Variants in TRAM2 observed in about 807,000 individuals in gnomAD.
TRAM2 encodes translocating chain-associated membrane protein 2.
A neutral mutation model predicts 51.0 loss-of-function variants in TRAM2; 12 were observed. The ratio of observed to expected loss-of-function variants is 0.24; its 90% CI spans 0.15 to 0.38. TRAM2 has a LOEUF of 0.38. Among genes scored for constraint, TRAM2 ranks in the 10% least tolerant of loss-of-function variants. The pLI is 1.00. For synonymous variants in TRAM2, 175 were observed against 179.4 expected, an observed-to-expected ratio of 0.98 and a Z score of 0.20; for missense variants, 361 against 462.0, an observed-to-expected ratio of 0.78 and a Z score of 2.00.
intron 1 of TRAM2, among the ~76,000 whole-genome samples, chr6:52,547,118 A>C (rs963250533): frequency 1.3e-5 from 2 of 152,150 alleles, no homozygotes; most frequent in Non-Finnish European, 2.9e-5. Flanking sequence ...TCAACTCTGA[A>C]GGAAAGCAAA....
chr6:52,530,141 A>T (rs900544920), intron 2 of TRAM2, among the ~76,000 whole-genome samples: 23 of 152,212 alleles, frequency 1.5e-4, no homozygotes, highest in African/African-American at 5.5e-4. Context: ...TGTTTATCTG[A>T]AAATTTAACT....
intron 2 of TRAM2, among the ~76,000 whole-genome samples, chr6:52,521,065 G>T (rs376434899): frequency 4.6e-5 from 7 of 152,028 alleles, no homozygotes; most frequent in African/African-American, 1.7e-4. Flanking sequence ...ACCAGTTCCG[G>T]CAAATTTTTT....
chr6:52,520,133 A>G (rs1766641871), intron 2 of TRAM2, among the ~76,000 whole-genome samples: 1 of 152,214 alleles, frequency 6.6e-6, no homozygotes, highest in African/African-American at 2.4e-5. Flanking sequence ...TAAGATGGTA[A>G]GTTTTATGTT....
At chr6:52,553,180 C>T (rs750275309) in intron 1 of TRAM2, among the ~76,000 whole-genome samples, 3 of 152,164 alleles carry the variant, frequency 2.0e-5, no homozygotes, top group Non-Finnish European at 4.4e-5. Context: ...TCCTAATCCT[C>T]CCTGCCTCTC....
At chr6:52,572,245 G>A (rs1031990445) in intron 1 of TRAM2, among the ~76,000 whole-genome samples, 2 of 152,198 alleles carry the variant, frequency 1.3e-5, no homozygotes, top group African/African-American at 4.8e-5. Context: ...AAGGCTAAAA[G>A]GGAGATGCAT....
At chr6:52,530,467 A>G (rs570551502) in intron 2 of TRAM2, among the ~76,000 whole-genome samples, 1 of 152,342 alleles carries the variant, frequency 6.6e-6, no homozygotes, top group South Asian at 2.1e-4. Flanking sequence ...AACTCCCAGC[A>G]TCTCAGAATG....
At position 52,499,305 on chromosome 6, in the gene TRAM2, C is replaced by T. The variant is rs376631889; in HGVS notation, c.*3892G>A. Reference sequence around the variant, plus strand: ...TGTCTTGACTCAAAAGCTTTCAGCACTCCCTCTGTTAGAGGAGAGAGCTTA... The same window carrying T: ...TGTCTTGACTCAAAAGCTTTCAGCATTCCCTCTGTTAGAGGAGAGAGCTTA... On this transcript the variant is annotated 3_prime_UTR_variant, in exon 11 of 11. Coordinates refer to ENST00000182527, the MANE Select transcript of TRAM2 (RefSeq NM_012288.4). 1.3e-5 allele frequency: 2 copies of T among 152,208 alleles called. No homozygotes were observed. Among genetic ancestry groups the T allele is most frequent in the African/African-American group, 4.8e-5 (2 of 41,446 alleles). The allele number at this position is 152,208 out of a possible 1,614,324, so 9.4% of individuals were successfully genotyped here.
At chr6:52,506,398 A>C (rs1192911614) in intron 7 of TRAM2, among the ~76,000 whole-genome samples, 1 of 152,164 alleles carries the variant, frequency 6.6e-6, no homozygotes, top group East Asian at 1.9e-4. Context: ...CAAACCTCGC[A>C]TAGGCCCTTC....
At chr6:52,509,681 C>T in intron 4 of TRAM2, 95 bp from the exon 5 acceptor site, 1 of 1,026,666 alleles carries the variant, frequency 9.7e-7, no homozygotes. Flanking sequence ...GCATCCAGTC[C>T]CCACCTGACA....
chr6:52,576,097 C>T (rs897774665), intron 1 of TRAM2, among the ~76,000 whole-genome samples: 3 of 152,186 alleles, frequency 2.0e-5, no homozygotes, highest in African/African-American at 7.2e-5. Context: ...GTATCCCTGT[C>T]TCTCTTCTTG....
chr6:52,504,613 G>A lies in TRAM2; in HGVS notation c.1017C>T (p.Ala339=), dbSNP rs764820599. The A allele has an allele frequency of 6.2e-7, 1 of 1,614,180 alleles. No homozygotes were observed. Among genetic ancestry groups the A allele is most frequent in the Middle Eastern group, 1.7e-4 (1 of 6,018 alleles). ...RRVPATPRLP[A]RLIKRESGYH... ...CACCAGATTCCCTCTTGATGAGCCT[G>A]GCTGGTAGTCTGGGTGTGGCTGGGA... Residue 339 remains alanine (A), a synonymous_variant, in exon 10 of 11, where the codon GCC becomes GCT. Transcript: ENST00000182527.
At chr6:52,505,855 A>G (rs957433321) in intron 8 of TRAM2, 113 bp from the exon 9 acceptor site, 2 of 1,469,774 alleles carry the variant, frequency 1.4e-6, no homozygotes, top group African/African-American at 2.8e-5. Flanking sequence ...TGGCTGGGGA[A>G]AGTGCTTGAG....
chr6:52,576,860 A>G lies in TRAM2; in HGVS notation c.56T>C (p.Ile19Thr), dbSNP rs951849587. 1 of 1,613,742 alleles carries G rather than the reference A, an allele frequency of 6.2e-7. No homozygotes were observed. The part of the protein sequence containing the change: ...SYPLFSQEFV[I>T]HNHADIGFCL... ...GAAGCCGATGTCCGCATGGTTGTGG[A>G]TGACGAACTCCTGGCTGAAGAGCGG... Residue 19 changes from isoleucine to threonine, a missense_variant, in exon 1 of 11, where the codon ATC becomes ACC. Physicochemically the swap from Ile to Thr is moderately conservative, Grantham distance 89. Coordinates refer to ENST00000182527, the MANE Select transcript of TRAM2 (RefSeq NM_012288.4).
At chr6:52,576,643 G>A (rs1767771042) in intron 1 of TRAM2, among the ~76,000 whole-genome samples, 153 bp downstream of exon 1, 1 of 152,208 alleles carries the variant, frequency 6.6e-6, no homozygotes, top group Admixed American at 6.5e-5. Context: ...GTACAGGCCG[G>A]AGGGGTACAG....
At chr6:52,529,049 C>A (rs538366739) in intron 2 of TRAM2, among the ~76,000 whole-genome samples, 2 of 152,100 alleles carry the variant, frequency 1.3e-5, no homozygotes, top group Non-Finnish European at 1.5e-5. Context: ...CACCACCACG[C>A]CCGGCTAATT....
chr6:52,563,180 C>A (rs1178331241), intron 1 of TRAM2, among the ~76,000 whole-genome samples: 1 of 152,156 alleles, frequency 6.6e-6, no homozygotes, highest in Admixed American at 6.5e-5. Flanking sequence ...GGTGACCCTG[C>A]ACAATGGAAG....
At position 52,509,528 on chromosome 6, in the gene TRAM2, G is replaced by T. The variant is rs745487573; in HGVS notation, c.470C>A (p.Pro157His). The T allele has an allele frequency of 6.2e-7, 1 of 1,613,368 alleles. No individual in the cohort carries two copies. The highest frequency in any genetic ancestry group is 1.1e-5 in the South Asian group (1 of 90,982). ...GGGGCTGAGTCAACAGAATACTCAC[G>T]GGAGGTGCACATGCGGGTAGTCTTC... ...LWEDYPHVHL[P>H]FQVKFFYLCQ... The change falls in exon 5 of 11, where the codon CCC becomes CAC. Residue 157 changes from proline to histidine, a missense_variant and splice_region_variant. Transcript: ENST00000182527.
intron 7 of TRAM2, 25 bp from the exon 8 acceptor site, chr6:52,506,161 A>G (rs1399073332): frequency 1.2e-6 from 2 of 1,602,402 alleles, no homozygotes; most frequent in African/African-American, 2.7e-5. Flanking sequence ...GACTAGACTT[A>G]CATTCCCTCC....
intron 3 of TRAM2, 60 bp downstream of exon 3, chr6:52,516,568 G>A (rs1465773710): frequency 4.2e-6 from 6 of 1,415,264 alleles, no homozygotes; most frequent in Non-Finnish European, 6.0e-6. Context: ...CCAAGGCCAG[G>A]TCCTCCACCC....
Sources: gnomAD v4.1 joint callset for allele counts (sites outside exome capture counted in the v4.1 genomes callset) on GRCh38, gnomAD v4.1.1 for gene constraint, MANE v1.5 for transcripts, NCBI Gene and HGNC (gene_info 2026-07-23, HGNC 2026-07-21) for gene names.